TSGA10: variants seen among roughly 807,000 people sequenced by gnomAD.
TSGA10 encodes the protein testis-specific gene 10 protein.
A neutral mutation model predicts 96.6 loss-of-function variants in TSGA10; 43 were observed. That is an observed-to-expected ratio of 0.44 (90% confidence interval 0.35 to 0.57). TSGA10 has a LOEUF of 0.57. Ranked by LOEUF, TSGA10 falls within the 20% of genes least tolerant of loss-of-function variation. TSGA10 has a pLI of 0.01. For synonymous variants in TSGA10, 229 were observed against 269.9 expected, an observed-to-expected ratio of 0.85 and a Z score of 1.48; for missense variants, 703 against 834.4, an observed-to-expected ratio of 0.84 and a Z score of 1.94.
At chr2:99,133,833 T>C (rs1220061311) in intron 1 of TSGA10, among the ~76,000 whole-genome samples, 1 of 152,228 alleles carries the variant, frequency 6.6e-6, no homozygotes, top group Non-Finnish European at 1.5e-5. Flanking sequence ...TATTTCTCCT[T>C]TGTTTATGAA....
intron 1 of TSGA10, among the ~76,000 whole-genome samples, chr2:99,134,410 CTG>C (rs762846709): frequency 2.8e-4 from 43 of 152,196 alleles, no homozygotes; most frequent in Admixed American, 9.8e-4. Context: ...AGTTCTCACG[CTG>C]TGTTTTTCAG....
chr2:99,076,904 T>C lies in TSGA10; in HGVS notation c.882+1755A>G, dbSNP rs1043940532. Reference sequence around the variant, plus strand: ...TTCAAATATTCTCCTGACTACTATCTAGTCATTTTTCAGGGTAGTCCAGGC... The same window carrying C: ...TTCAAATATTCTCCTGACTACTATCCAGTCATTTTTCAGGGTAGTCCAGGC... On this transcript the variant is annotated intron_variant, in intron 12 of 20. Coordinates refer to ENST00000393483, the MANE Select transcript of TSGA10 (RefSeq NM_025244.4). 2.6e-5 allele frequency among the ~76,000 whole-genome samples: 4 copies of C among 152,042 alleles called. No homozygotes were observed. In the East Asian group the frequency reaches 7.7e-4, roughly 29 times the overall value.
chr2:99,145,121 C>T (rs1421591312), intron 1 of TSGA10, among the ~76,000 whole-genome samples: 1 of 152,170 alleles, frequency 6.6e-6, no homozygotes, highest in African/African-American at 2.4e-5. Context: ...GGAAAATCCC[C>T]TTTCTTGCCT....
chr2:99,081,863 T>G (rs2087558601), intron 10 of TSGA10, among the ~76,000 whole-genome samples: 1 of 113,246 alleles, frequency 8.8e-6, no homozygotes, highest in South Asian at 2.9e-4. Context: ...CCTTGTCAAT[T>G]GCTGCTAGGC....
At chr2:99,136,009 CA>C (rs56120844) in intron 1 of TSGA10, among the ~76,000 whole-genome samples, 91 of 125,720 alleles carry the variant, frequency 7.2e-4, no homozygotes, top group Non-Finnish European at 8.6e-4. Flanking sequence ...GACTTCGTAC[CA>C]AAAAAAAAAA....
chr2:99,032,794 C>T (rs1480811190), intron 17 of TSGA10, among the ~76,000 whole-genome samples: 1 of 152,154 alleles, frequency 6.6e-6, no homozygotes, highest in Non-Finnish European at 1.5e-5. Flanking sequence ...GCACCAATAA[C>T]TAGATGAATT....
intron 10 of TSGA10, among the ~76,000 whole-genome samples, chr2:99,084,007 T>C (rs2087903928): frequency 6.6e-6 from 1 of 152,164 alleles, no homozygotes; most frequent in African/African-American, 2.4e-5. Flanking sequence ...ATGTAATCAT[T>C]GTGGGAAAGT....
chr2:99,149,039 C>T lies in TSGA10; in HGVS notation c.-621+5654G>A, dbSNP rs111768079. Among the ~76,000 whole-genome samples the T allele has an allele frequency of 4.8e-3, 734 of 151,910 alleles. 10 individuals carry two copies. The highest frequency in any genetic ancestry group is 0.017 in the African/African-American group (692 of 41,438). ...TACAAACATTAGCTGGGCCTGGTGG[C>T]GGGCACCTGTAATCCCAGCTACTCA... On this transcript the variant is annotated intron_variant, in intron 1 of 20. Coordinates refer to ENST00000393483, the MANE Select transcript of TSGA10 (RefSeq NM_025244.4).
intron 11 of TSGA10, among the ~76,000 whole-genome samples, chr2:99,079,867 T>C (rs1459010543): frequency 1.3e-5 from 2 of 152,160 alleles, no homozygotes; most frequent in African/African-American, 2.4e-5. Flanking sequence ...TAATACCATA[T>C]TGTCATATGC....
chr2:99,114,408 T>C (rs1244875543), intron 4 of TSGA10, among the ~76,000 whole-genome samples: 1 of 152,166 alleles, frequency 6.6e-6, no homozygotes, highest in African/African-American at 2.4e-5. Flanking sequence ...AGGTTGGTGA[T>C]TTCCTCATTT....
rs183641929 is a variant in TSGA10 at position 99,119,576 on chromosome 2, G to C, written c.-491-890C>G. Reference sequence around the variant, plus strand: ...AGTGTTATCAAAGAACCCTCCTTATGAGAATCCTCAAGGAAAACCCTACTT... The same window carrying C: ...AGTGTTATCAAAGAACCCTCCTTATCAGAATCCTCAAGGAAAACCCTACTT... On this transcript the variant is annotated intron_variant, in intron 2 of 20. Transcript: ENST00000393483. 3.3e-5 allele frequency among the ~76,000 whole-genome samples: 5 copies of C among 152,134 alleles called. No individual in the cohort carries two copies. In the East Asian group the frequency reaches 9.6e-4, roughly 29 times the overall value.
At chr2:99,079,331 C>G (rs1018113106) in intron 11 of TSGA10, among the ~76,000 whole-genome samples, 2 of 152,112 alleles carry the variant, frequency 1.3e-5, no homozygotes, top group African/African-American at 4.8e-5. Context: ...GAAAAAAAAT[C>G]ATCCCAGGAA....
intron 1 of TSGA10, among the ~76,000 whole-genome samples, chr2:99,131,494 T>G (rs923788772): frequency 6.6e-6 from 1 of 152,222 alleles, no homozygotes; most frequent in African/African-American, 2.4e-5. Flanking sequence ...TTGCTGAAGT[T>G]GCTTATCAGC....
chr2:99,072,678 T>A (rs12470471), intron 13 of TSGA10, among the ~76,000 whole-genome samples: 66,018 of 152,070 alleles, frequency 0.43, 16,998 homozygotes, highest in African/African-American at 0.72. Flanking sequence ...ATTTGTCTGT[T>A]ACACAAGCCT....
chr2:99,074,481 A>T (rs1041244817), intron 12 of TSGA10, among the ~76,000 whole-genome samples: 11 of 149,326 alleles, frequency 7.4e-5, no homozygotes, highest in African/African-American at 2.5e-4. Flanking sequence ...GCAGTAATAG[A>T]TACTGGTGTG....
chr2:99,088,483 C>T (rs764518962), intron 10 of TSGA10, among the ~76,000 whole-genome samples: 4 of 152,100 alleles, frequency 2.6e-5, no homozygotes, highest in African/African-American at 4.8e-5. Context: ...TATCCCCCCT[C>T]GATAAGAGGG....
chr2:99,140,610 G>A (rs768766309), intron 1 of TSGA10, among the ~76,000 whole-genome samples: 2 of 151,974 alleles, frequency 1.3e-5, no homozygotes, highest in Non-Finnish European at 2.9e-5. Context: ...CCTTTACTGT[G>A]TATAATTTTT....
intron 10 of TSGA10, among the ~76,000 whole-genome samples, chr2:99,087,637 G>A (rs1314238073): frequency 6.6e-6 from 1 of 152,192 alleles, no homozygotes; most frequent in Non-Finnish European, 1.5e-5. Flanking sequence ...ACAGTGAGCT[G>A]TCATCGCACC....
chr2:99,085,625 A>AAAAAAAAAAAAAAC (rs2088209131), intron 10 of TSGA10, among the ~76,000 whole-genome samples: 1 of 150,446 alleles, frequency 6.6e-6, no homozygotes, highest in African/African-American at 2.5e-5. Context: ...AAAAAAAAAA[A>AAAAAAAAAAAAAAC]AAAAAAAAAG....
Sources: allele counts gnomAD v4.1 joint callset (sites outside exome capture counted in the v4.1 genomes callset), GRCh38; gene constraint gnomAD v4.1.1; transcripts MANE v1.5; gene names NCBI Gene and HGNC (gene_info 2026-07-23, HGNC 2026-07-21).